Variants in IL20RA observed in about 807,000 individuals in gnomAD.
The protein encoded by IL20RA is interleukin-20 receptor subunit alpha.
A neutral mutation model predicts 36.5 loss-of-function variants in IL20RA; 29 were observed. That is an observed-to-expected ratio of 0.79 (90% CI 0.59 to 1.08). IL20RA has a LOEUF of 1.08. IL20RA is among the 50% of genes least tolerant of loss of function. IL20RA has a pLI of 0.00. For synonymous variants in IL20RA, 279 were observed against 267.1 expected, an observed-to-expected ratio of 1.04 and a Z score of -0.43; for missense variants, 652 against 668.4, an observed-to-expected ratio of 0.98 and a Z score of 0.27.
chr6:137,020,722 A>T (rs1775867142), intron 1 of IL20RA, among the ~76,000 whole-genome samples: 1 of 152,242 alleles, frequency 6.6e-6, no homozygotes, highest in Non-Finnish European at 1.5e-5. Context: ...CATTGCAAAT[A>T]CGCTGACAAG....
chr6:137,021,692 A>T (rs1417177850), intron 1 of IL20RA, among the ~76,000 whole-genome samples: 2 of 152,128 alleles, frequency 1.3e-5, no homozygotes, highest in African/African-American at 4.8e-5. Flanking sequence ...TGAAAGTGGG[A>T]TCCACTTATG....
At chr6:137,023,588 T>C (rs972900135) in intron 1 of IL20RA, among the ~76,000 whole-genome samples, 4 of 152,188 alleles carry the variant, frequency 2.6e-5, no homozygotes, top group Non-Finnish European at 5.9e-5. Flanking sequence ...AGTAGCTCCA[T>C]TGTGCACCAA....
intron 1 of IL20RA, among the ~76,000 whole-genome samples, chr6:137,034,001 G>A (rs1369653563): frequency 6.6e-6 from 1 of 152,194 alleles, no homozygotes; most frequent in Non-Finnish European, 1.5e-5. Flanking sequence ...TAAAGGACTG[G>A]GTTGACTCAG....
chr6:137,028,804 G>C (rs1353137470), intron 1 of IL20RA, among the ~76,000 whole-genome samples: 1 of 151,984 alleles, frequency 6.6e-6, no homozygotes, highest in Non-Finnish European at 1.5e-5. Flanking sequence ...TGGCATTTGA[G>C]GGATGTTTCC....
At chr6:137,025,592 T>G (rs1171359537) in intron 1 of IL20RA, among the ~76,000 whole-genome samples, 1 of 152,238 alleles carries the variant, frequency 6.6e-6, no homozygotes, top group Non-Finnish European at 1.5e-5. Flanking sequence ...TGCTCGCAGG[T>G]CCTTCCAGTA....
chr6:137,004,581 T>C (rs1354892481), intron 6 of IL20RA, 40 bp downstream of exon 6: 2 of 1,590,084 alleles, frequency 1.3e-6, no homozygotes, highest in African/African-American at 2.7e-5. Context: ...CCTGGAGGTG[T>C]ACTATTATAA....
chr6:137,030,571 A>C (rs1402973025), intron 1 of IL20RA, among the ~76,000 whole-genome samples: 1 of 152,160 alleles, frequency 6.6e-6, no homozygotes, highest in African/African-American at 2.4e-5. Context: ...CAGCTTTCCC[A>C]AAGTTTTATA....
chr6:137,003,921 G>T (rs1775172441), intron 6 of IL20RA, among the ~76,000 whole-genome samples: 1 of 152,092 alleles, frequency 6.6e-6, no homozygotes, highest in Non-Finnish European at 1.5e-5. Flanking sequence ...TGAGAGCTGA[G>T]CCCCTGTGTA....
intron 2 of IL20RA, among the ~76,000 whole-genome samples, chr6:137,015,243 A>G (rs1775640724): frequency 6.6e-6 from 1 of 152,166 alleles, no homozygotes; most frequent in Non-Finnish European, 1.5e-5. Flanking sequence ...AACCATTACT[A>G]TCACTTAGCT....
intron 1 of IL20RA, among the ~76,000 whole-genome samples, chr6:137,034,377 G>T (rs1056130281): frequency 2.3e-4 from 35 of 152,116 alleles, no homozygotes; most frequent in African/African-American, 8.2e-4. Flanking sequence ...AAATTTAAAA[G>T]ACCTGAATTT....
chr6:137,017,304 C>T (rs754672989), intron 1 of IL20RA, among the ~76,000 whole-genome samples: 22 of 152,130 alleles, frequency 1.4e-4, no homozygotes, highest in Admixed American at 3.9e-4. Context: ...AAAAAAATTC[C>T]CGAGTTGCTA....
Position 137,011,337 on chromosome 6 carries a change from C to T in IL20RA, c.340G>A (p.Ala114Thr), listed in dbSNP as rs1414361876. ...YEHQYYAKVK[A>T]IWGTKCSKWA... ...TTGGAACACTTTGTTCCCCAAATGGCCTTAACTTTGGCATAATACTGGTGT... is the reference window on the plus strand; with the variant it reads ...TTGGAACACTTTGTTCCCCAAATGGTCTTAACTTTGGCATAATACTGGTGT... The change falls in exon 3 of 7, where the codon GCC becomes ACC. Residue 114 changes from alanine to threonine, a missense_variant. Coordinates refer to ENST00000316649, the MANE Select transcript of IL20RA (RefSeq NM_014432.4). The T allele has an allele frequency of 6.2e-7, 1 of 1,613,794 alleles. No homozygotes were observed. The highest frequency in any genetic ancestry group is 1.1e-5 in the South Asian group (1 of 91,028).
chr6:137,024,927 C>T (rs1776034029), intron 1 of IL20RA, among the ~76,000 whole-genome samples: 1 of 152,126 alleles, frequency 6.6e-6, no homozygotes, highest in Non-Finnish European at 1.5e-5. Flanking sequence ...CTCTGGACTC[C>T]CTTTGAGCTT....
In IL20RA at chr6:137,001,655, T is replaced by TA; in HGVS notation, c.1564dup (p.Tyr522LeufsTer2). On this transcript the variant is annotated frameshift_variant, in exon 7 of 7. Coordinates refer to ENST00000316649, the MANE Select transcript of IL20RA (RefSeq NM_014432.4). LOFTEE classifies it low-confidence loss of function (END_TRUNC). The stretch of plus-strand genomic sequence containing the variant: ...TGGCCTGTCTGGAGCCGGCTCCTCA[T>TA]AGAGTCTAGATAGAAGACCCTCCTC... 5 of 1,614,010 alleles carry TA rather than the reference T, an allele frequency of 3.1e-6. No homozygotes were observed. Among genetic ancestry groups the TA allele is most frequent in the Non-Finnish European group, 1.7e-6 (2 of 1,179,946 alleles).
chr6:137,033,115 C>T (rs1776357401), intron 1 of IL20RA, among the ~76,000 whole-genome samples: 2 of 152,198 alleles, frequency 1.3e-5, no homozygotes, highest in Non-Finnish European at 2.9e-5. Flanking sequence ...GGCTGGATGT[C>T]TGATATCAAG....
intron 1 of IL20RA, among the ~76,000 whole-genome samples, chr6:137,030,670 A>G (rs1338993686): frequency 6.6e-6 from 1 of 152,240 alleles, no homozygotes; most frequent in Non-Finnish European, 1.5e-5. Flanking sequence ...GGACAAGGCA[A>G]TAACAAACAT....
intron 3 of IL20RA, among the ~76,000 whole-genome samples, chr6:137,010,221 C>T (rs1354569263): frequency 6.6e-6 from 1 of 152,180 alleles, no homozygotes; most frequent in Non-Finnish European, 1.5e-5. Flanking sequence ...GACTTTTATC[C>T]TAAAGGTCTG....
chr6:137,011,512 C>T, intron 2 of IL20RA, 60 bp from the exon 3 acceptor site: 2 of 1,147,690 alleles, frequency 1.7e-6, no homozygotes, highest in South Asian at 2.3e-5. Flanking sequence ...AATAAAAAAA[C>T]TCAGTCATTT....
At chr6:137,012,393 T>C (rs1020619902) in intron 2 of IL20RA, among the ~76,000 whole-genome samples, 1 of 152,128 alleles carries the variant, frequency 6.6e-6, no homozygotes, top group Non-Finnish European at 1.5e-5. Flanking sequence ...GGTGGAATGG[T>C]GGTGATATTT....
Sources: gnomAD v4.1 joint callset for allele counts (sites outside exome capture counted in the v4.1 genomes callset) on GRCh38, gnomAD v4.1.1 for gene constraint, MANE v1.5 for transcripts, NCBI Gene and HGNC (gene_info 2026-07-23, HGNC 2026-07-21) for gene names.